Variants in PRP4K observed in about 807,000 individuals in gnomAD.
The protein encoded by PRP4K is pre-mRNA processing factor kinase PRP4K, also known as serine/threonine-protein kinase PRP4 homolog.
the PRP4K span, chr6:4,049,042 T>C: frequency 6.2e-7 from 1 of 1,613,096 alleles, no homozygotes; most frequent in Non-Finnish European, 8.5e-7. Context: ...CCGCTGGCAT[T>C]GGAAAAGATT....
the PRP4K span, among the ~76,000 whole-genome samples, chr6:4,023,095 G>T: frequency 6.6e-6 from 1 of 152,152 alleles, no homozygotes; most frequent in Non-Finnish European, 1.5e-5. Flanking sequence ...GTCTGTATAT[G>T]TCTCACTTTC....
At chr6:4,031,981 G>A in the PRP4K span, 1 of 1,614,078 alleles carries the variant, frequency 6.2e-7, no homozygotes, top group Non-Finnish European at 8.5e-7. Flanking sequence ...GAAAAGGCAA[G>A]AAATGGAAAT....
At chr6:4,031,872 G>A in the PRP4K span, 1 of 1,614,004 alleles carries the variant, frequency 6.2e-7, no homozygotes, top group Non-Finnish European at 8.5e-7. Context: ...GATTAAGGCC[G>A]AACTTGATAA....
At chr6:4,024,254 A>G in the PRP4K span, among the ~76,000 whole-genome samples, 11 of 152,176 alleles carry the variant, frequency 7.2e-5, no homozygotes, top group South Asian at 2.3e-3. Flanking sequence ...CAAGTGCTGC[A>G]GGTACTAGGG....
chr6:4,037,504 G>A, the PRP4K span: 3 of 1,614,092 alleles, frequency 1.9e-6, no homozygotes, highest in Non-Finnish European at 1.7e-6. Flanking sequence ...CCCATTAGAA[G>A]GAGGTCTCGT....
the PRP4K span, chr6:4,052,636 C>T: frequency 1.7e-5 from 19 of 1,120,732 alleles, no homozygotes; most frequent in Non-Finnish European, 2.3e-5. Flanking sequence ...TTACTTTATG[C>T]TTGCAAATGT....
chr6:4,021,377 A>G, the PRP4K span: 1 of 1,554,612 alleles, frequency 6.4e-7, no homozygotes, highest in Non-Finnish European at 8.7e-7. Flanking sequence ...CCTACCCTCC[A>G]CCGTCCGGGA....
the PRP4K span, chr6:4,052,762 T>C: frequency 6.2e-7 from 1 of 1,603,346 alleles, no homozygotes; most frequent in Non-Finnish European, 8.5e-7. Context: ...GTAAAGATGT[T>C]GGTCTTCATA....
At chr6:4,043,027 TGAA>T in the PRP4K span, among the ~76,000 whole-genome samples, 12 of 152,334 alleles carry the variant, frequency 7.9e-5, no homozygotes, top group African/African-American at 2.4e-4. Context: ...AGCCAGATGA[TGAA>T]GAAGATTGGG....
the PRP4K span, among the ~76,000 whole-genome samples, chr6:4,048,311 G>A: frequency 7.9e-5 from 12 of 151,276 alleles, no homozygotes; most frequent in South Asian, 2.1e-4. Context: ...CCCGAGAGGC[G>A]GAGCTTGCAG....
At chr6:4,055,854 G>A in the PRP4K span, among the ~76,000 whole-genome samples, 9 of 152,038 alleles carry the variant, frequency 5.9e-5, no homozygotes, top group South Asian at 1.2e-3. Flanking sequence ...TAGCAGCTTC[G>A]GATGAAGAAT....
At chr6:4,060,153 T>C in the PRP4K span, among the ~76,000 whole-genome samples, 1 of 152,192 alleles carries the variant, frequency 6.6e-6, no homozygotes, top group East Asian at 1.9e-4. The surrounding 1 kb of genome is among the most constrained non-coding windows in gnomAD (Gnocchi z 4.7). Flanking sequence ...GTGGACTGAA[T>C]ACTGTAGGCA....
chr6:4,053,415 G>A, the PRP4K span, among the ~76,000 whole-genome samples: 1 of 151,950 alleles, frequency 6.6e-6, no homozygotes, highest in African/African-American at 2.4e-5. Flanking sequence ...GTCATGGAGG[G>A]TTTGTACCCA....
the PRP4K span, chr6:4,058,592 G>C: frequency 1.4e-6 from 1 of 691,638 alleles, no homozygotes; most frequent in South Asian, 1.8e-5. Flanking sequence ...GAATTCCTGG[G>C]ATCAAGGGAA....
chr6:4,042,389 C>T, the PRP4K span: 2 of 901,186 alleles, frequency 2.2e-6, no homozygotes, highest in Non-Finnish European at 1.7e-6. Flanking sequence ...GACTTTTGCT[C>T]TAACTTACTG....
the PRP4K span, among the ~76,000 whole-genome samples, chr6:4,040,094 C>T: frequency 3.9e-3 from 591 of 151,772 alleles, 7 homozygotes; most frequent in African/African-American, 0.014. Context: ...CCATGTTGCC[C>T]AGGCTGGTCT....
At chr6:4,052,485 TTTC>T in the PRP4K span, among the ~76,000 whole-genome samples, 17 of 152,238 alleles carry the variant, frequency 1.1e-4, no homozygotes, top group Non-Finnish European at 1.8e-4. Context: ...CTTGCATATC[TTTC>T]TTCTTACCTA....
chr6:4,049,526 C>T, the PRP4K span: 1 of 571,130 alleles, frequency 1.8e-6, no homozygotes, highest in African/African-American at 1.9e-5. Flanking sequence ...ACAACAGGAA[C>T]TCTTGTAGTG....
At chr6:4,044,193 A>G in the PRP4K span, 1 of 634,984 alleles carries the variant, frequency 1.6e-6, no homozygotes, top group Non-Finnish European at 2.7e-6. Flanking sequence ...AATGTTCTCT[A>G]TAAATGTGTT....
Sources: allele counts gnomAD v4.1 joint callset (sites outside exome capture counted in the v4.1 genomes callset), GRCh38; gene constraint gnomAD v4.1.1; non-coding constraint Gnocchi (gnomAD v3.1); transcripts MANE v1.5; gene names NCBI Gene and HGNC (gene_info 2026-07-23, HGNC 2026-07-21).